Variants in NR3C2 observed in about 807,000 individuals in gnomAD.
NR3C2 encodes the protein nuclear receptor subfamily 3 group C member 2, also known as mineralocorticoid receptor.
A neutral mutation model predicts 86.4 loss-of-function variants in NR3C2; 15 were observed. The observed-to-expected ratio is 0.17, with a 90% confidence interval of 0.12 to 0.27. NR3C2 has a LOEUF of 0.27. Ranked by LOEUF, NR3C2 falls within the 10% of genes least tolerant of loss-of-function variation. The probability of loss-of-function intolerance (pLI) is 1.00; values close to 1 mark genes in which losing one functional copy is unlikely to be tolerated. For synonymous variants in NR3C2, 458 were observed against 450.5 expected (o/e 1.02, Z -0.21); for missense variants, 960 against 1,195.6 (o/e 0.80, Z 2.91).
chr4:148,430,512 A>G (rs1162134976), intron 2 of NR3C2, among the ~76,000 whole-genome samples: 1 of 152,172 alleles, frequency 6.6e-6, no homozygotes, highest in Non-Finnish European at 1.5e-5. Flanking sequence ...AATTTACAAA[A>G]ATATTTAAAA....
chr4:148,318,227 A>G (rs1431134859), intron 2 of NR3C2, among the ~76,000 whole-genome samples: 7 of 150,760 alleles, frequency 4.6e-5, no homozygotes, highest in Admixed American at 1.3e-4. Flanking sequence ...ATGGCTGCAT[A>G]GTATTCCATG....
At chr4:148,238,604 T>A (rs1004066336) in intron 3 of NR3C2, among the ~76,000 whole-genome samples, 7 of 152,102 alleles carry the variant, frequency 4.6e-5, no homozygotes, top group Admixed American at 1.3e-4. Flanking sequence ...TTATAATCCC[T>A]AAGATTTGAT....
At chr4:148,339,799 C>T (rs1221207516) in intron 2 of NR3C2, among the ~76,000 whole-genome samples, 4 of 151,890 alleles carry the variant, frequency 2.6e-5, no homozygotes, top group African/African-American at 9.7e-5. Flanking sequence ...TATTTAAGAA[C>T]CTAAAAATTA....
chr4:148,145,864 G>C (rs1733845054), intron 6 of NR3C2, among the ~76,000 whole-genome samples: 1 of 152,080 alleles, frequency 6.6e-6, no homozygotes, highest in Non-Finnish European at 1.5e-5. Context: ...CTCAGGAGGA[G>C]GTTTCTCAGT....
rs572838968 is a variant in NR3C2, at chr4:148,431,977, T to A, written c.1757+3127A>T. On this transcript the variant is annotated intron_variant, in intron 2 of 8. Transcript: ENST00000358102. ...TTGCTACTGTATTGGAAATTAAAAC[T>A]AAAATTAAATTATTTAAGTTAAAAA... Among the ~76,000 whole-genome samples the A allele has an allele frequency of 1.8e-4, 28 of 152,160 alleles. 1 individual carries two copies. The highest frequency in any genetic ancestry group is 5.5e-4 in the African/African-American group (23 of 41,546).
intron 8 of NR3C2, among the ~76,000 whole-genome samples, chr4:148,110,015 AATT>A (rs35003454): frequency 0.22 from 32,929 of 152,062 alleles, 4,292 homozygotes; most frequent in East Asian, 0.56. Context: ...AGAGCTAAAA[AATT>A]ATTATTGTCA....
chr4:148,216,559 T>C (rs958203484), intron 3 of NR3C2, among the ~76,000 whole-genome samples: 2 of 152,200 alleles, frequency 1.3e-5, no homozygotes, highest in African/African-American at 4.8e-5. Context: ...CATGTGCATA[T>C]AGCAGTTCTT....
chr4:148,329,476 T>C (rs974550465), intron 2 of NR3C2, among the ~76,000 whole-genome samples: 1 of 152,212 alleles, frequency 6.6e-6, no homozygotes, highest in Non-Finnish European at 1.5e-5. Context: ...TCATTTACAT[T>C]ATTTACAGAT....
chr4:148,295,609 C>A (rs1012483415), intron 2 of NR3C2, among the ~76,000 whole-genome samples: 4 of 150,840 alleles, frequency 2.7e-5, no homozygotes, highest in African/African-American at 9.8e-5. Flanking sequence ...AGCCTCTCCA[C>A]ATGCCCATCT....
At chr4:148,285,159 G>A (rs757549960) in intron 2 of NR3C2, among the ~76,000 whole-genome samples, 3 of 152,072 alleles carry the variant, frequency 2.0e-5, no homozygotes, top group Non-Finnish European at 2.9e-5. Flanking sequence ...AGTGCACTGG[G>A]GGTCTCATAA....
intron 2 of NR3C2, among the ~76,000 whole-genome samples, chr4:148,290,776 G>A (rs915856460): frequency 6.6e-6 from 1 of 152,122 alleles, no homozygotes; most frequent in East Asian, 1.9e-4. Flanking sequence ...CCTCTCTAGC[G>A]GGTTCTAGTC....
chr4:148,442,545 A>C, upstream of NR3C2: 1 of 594,452 alleles, frequency 1.7e-6, no homozygotes, highest in Non-Finnish European at 2.1e-6. Flanking sequence ...TGTCCAGATA[A>C]AGTTCAGGTT....
intron 2 of NR3C2, among the ~76,000 whole-genome samples, chr4:148,337,871 A>T (rs1479119992): frequency 6.6e-6 from 1 of 152,166 alleles, no homozygotes; most frequent in Non-Finnish European, 1.5e-5. Flanking sequence ...ACGTAGAATA[A>T]AGGGTGTTTC....
intron 2 of NR3C2, among the ~76,000 whole-genome samples, chr4:148,285,638 C>G (rs1579107223): frequency 6.6e-6 from 1 of 152,232 alleles, no homozygotes; most frequent in Non-Finnish European, 1.5e-5. Flanking sequence ...ACCCAGGAGG[C>G]AGAGGTTGCA....
At chr4:148,276,947 ATTTG>A (rs1014452618) in intron 2 of NR3C2, among the ~76,000 whole-genome samples, 6 of 152,210 alleles carry the variant, frequency 3.9e-5, no homozygotes, top group Admixed American at 2.0e-4. Flanking sequence ...GCCTGATTAC[ATTTG>A]TTTATTATTT....
intron 2 of NR3C2, among the ~76,000 whole-genome samples, chr4:148,407,432 T>C (rs2126554230): frequency 6.6e-6 from 1 of 152,332 alleles, no homozygotes; most frequent in Admixed American, 6.5e-5. Context: ...CATATAAAAA[T>C]AATTTTATCA....
chr4:148,117,062 G>C (rs1732302371), intron 7 of NR3C2, among the ~76,000 whole-genome samples: 1 of 152,116 alleles, frequency 6.6e-6, no homozygotes, highest in Admixed American at 6.5e-5. Flanking sequence ...GAATAAATCA[G>C]GAACAACAGA....
At chr4:148,303,317 G>A (rs1177403696) in intron 2 of NR3C2, among the ~76,000 whole-genome samples, 1 of 152,164 alleles carries the variant, frequency 6.6e-6, no homozygotes, top group Non-Finnish European at 1.5e-5. Context: ...CAAGAGGGAT[G>A]GGTAATGTAT....
intron 2 of NR3C2, among the ~76,000 whole-genome samples, chr4:148,276,990 ATGT>A (rs1740992947): frequency 6.6e-6 from 1 of 152,248 alleles, no homozygotes; most frequent in South Asian, 2.1e-4. Flanking sequence ...AATTTACTGT[ATGT>A]TCAGTAACTT....
Sources: allele counts gnomAD v4.1 joint callset (sites outside exome capture counted in the v4.1 genomes callset), GRCh38; gene constraint gnomAD v4.1.1; transcripts MANE v1.5; gene names NCBI Gene and HGNC (gene_info 2026-07-23, HGNC 2026-07-21).